IRAG1: variants seen among roughly 807,000 people sequenced by gnomAD.
IRAG1 encodes IP3R-associated cGMP kinase substrate.
A neutral mutation model predicts 106.2 loss-of-function variants in IRAG1; 62 were observed. The observed-to-expected ratio is 0.58, with a 90% confidence interval of 0.48 to 0.72. The LOEUF is 0.72. IRAG1 is among the 30% of genes least tolerant of loss of function. The pLI is 0.00. For missense variants in IRAG1, 1,064 were observed against 1,140.7 expected (o/e 0.93, Z 0.97); for synonymous variants, 462 against 443.9 (o/e 1.04, Z -0.51).
chr11:10,634,787 A>G lies in IRAG1; in HGVS notation c.226-716T>C, dbSNP rs988847285. Among the ~76,000 whole-genome samples the G allele has an allele frequency of 3.0e-4, 17 of 56,158 alleles. No individual in the cohort carries two copies. The South Asian group carries it at 4.3e-3, about 14-fold the overall frequency. The allele number at this position is 56,158 out of a possible 152,430, so 36.8% of individuals were successfully genotyped here. ...TGTGTGTGTGTGTGTGTGTGTGTGTATACAGACACAATATTTTATTGTGTA... is the reference window on the plus strand; with the variant it reads ...TGTGTGTGTGTGTGTGTGTGTGTGTGTACAGACACAATATTTTATTGTGTA... On this transcript the variant is annotated intron_variant, in intron 2 of 20. Coordinates refer to ENST00000423302, the MANE Select transcript of IRAG1 (RefSeq NM_130385.4).
At chr11:10,578,060 C>T (rs1184927185) in intron 20 of IRAG1, among the ~76,000 whole-genome samples, 1 of 152,174 alleles carries the variant, frequency 6.6e-6, no homozygotes, top group Non-Finnish European at 1.5e-5. Flanking sequence ...TGGCTTCTCC[C>T]TACTCTAACC....
At chr11:10,594,834 A>G (rs1853096252) in intron 15 of IRAG1, among the ~76,000 whole-genome samples, 1 of 152,184 alleles carries the variant, frequency 6.6e-6, no homozygotes, top group African/African-American at 2.4e-5. Flanking sequence ...AGTTTAACCA[A>G]TATCATTTAG....
intron 10 of IRAG1, among the ~76,000 whole-genome samples, chr11:10,619,265 G>A (rs752146592): frequency 4.6e-5 from 7 of 152,182 alleles, no homozygotes; most frequent in Non-Finnish European, 1.0e-4. Flanking sequence ...CAAACTGAAG[G>A]AGAGCCAAAA....
At chr11:10,671,044 T>A (rs1860178118) in intron 1 of IRAG1, among the ~76,000 whole-genome samples, 1 of 152,240 alleles carries the variant, frequency 6.6e-6, no homozygotes, top group Non-Finnish European at 1.5e-5. Context: ...GTTTCAAACA[T>A]TTAATCTTTG....
intron 1 of IRAG1, among the ~76,000 whole-genome samples, chr11:10,669,306 C>T (rs1342441013): frequency 1.3e-5 from 2 of 152,180 alleles, no homozygotes; most frequent in Non-Finnish European, 2.9e-5. Context: ...TTGGGCCAGT[C>T]ACCCGCCTCT....
At chr11:10,670,439 A>C (rs182073038) in intron 1 of IRAG1, among the ~76,000 whole-genome samples, 60 of 152,328 alleles carry the variant, frequency 3.9e-4, no homozygotes, top group Non-Finnish European at 7.5e-4. Flanking sequence ...AGCTTAGTGA[A>C]AATAGGCAGT....
chr11:10,685,868 A>T (rs1370623068), intron 1 of IRAG1, among the ~76,000 whole-genome samples: 1 of 152,196 alleles, frequency 6.6e-6, no homozygotes, highest in Non-Finnish European at 1.5e-5. Flanking sequence ...AACATCCCCA[A>T]GGTGATGCTC....
chr11:10,638,277 T>C (rs1033019097), intron 2 of IRAG1, among the ~76,000 whole-genome samples: 2 of 152,214 alleles, frequency 1.3e-5, no homozygotes, highest in African/African-American at 4.8e-5. Flanking sequence ...GATCAAACAA[T>C]CTTAGGCCCA....
intron 11 of IRAG1, among the ~76,000 whole-genome samples, chr11:10,609,411 G>A (rs1854753769): frequency 6.6e-6 from 1 of 152,088 alleles, no homozygotes; most frequent in South Asian, 2.1e-4. Context: ...ACTAGTCATG[G>A]GTAAATGGTG....
chr11:10,626,120 CG>C lies in IRAG1; in HGVS notation c.1213del (p.Arg405GlyfsTer47). The stretch of plus-strand genomic sequence containing the variant: ...CAGCTTGGCAAGCACTTTCTGCAGC[CG>C]GGGGCCAGGTTCTTCAGGGCCACTG... Reference protein sequence around the residue: ...WDSGPEEPGPRLQKVLAKLPL... With the variant: ...WDSGPEEPGPXLQKVLAKLPL... On this transcript the variant is annotated frameshift_variant, in exon 9 of 21. Coordinates refer to ENST00000423302, the MANE Select transcript of IRAG1 (RefSeq NM_130385.4). LOFTEE classifies it high-confidence loss of function. 2 of 1,544,512 alleles carry C rather than the reference CG, an allele frequency of 1.3e-6. No individual in the cohort carries two copies. The highest frequency in any genetic ancestry group is 1.7e-6 in the Non-Finnish European group (2 of 1,144,856).
At chr11:10,586,437 A>C (rs1297900884) in intron 18 of IRAG1, among the ~76,000 whole-genome samples, 1 of 132,386 alleles carries the variant, frequency 7.6e-6, no homozygotes. Context: ...TTTTTCCTTG[A>C]GACAGGGTCC....
chr11:10,687,662 CTCTTGAGAGGAAGTCCA>C, intron 1 of IRAG1: 1 of 1,279,288 alleles, frequency 7.8e-7, no homozygotes, highest in Non-Finnish European at 1.0e-6. Flanking sequence ...ATGCCCAATC[CTCTTGAGAGGAAGTCCA>C]CCACTCTCCT....
intron 20 of IRAG1, 135 bp downstream of exon 20, chr11:10,580,320 T>C: frequency 7.4e-7 from 1 of 1,356,586 alleles, no homozygotes; most frequent in Non-Finnish European, 1.0e-6. Context: ...CCTCTTGGTT[T>C]CTTGGGCTAC....
chr11:10,632,144 C>T, intron 3 of IRAG1, 83 bp from the exon 4 acceptor site: 2 of 846,684 alleles, frequency 2.4e-6, no homozygotes, highest in Non-Finnish European at 3.8e-6. Context: ...TATTCTTTTT[C>T]TTTTTCTTTC....
intron 2 of IRAG1, among the ~76,000 whole-genome samples, chr11:10,651,309 C>T (rs1858481203): frequency 6.6e-6 from 1 of 152,042 alleles, no homozygotes; most frequent in Non-Finnish European, 1.5e-5. Context: ...TGGATGAAGC[C>T]CTTAAGTATT....
chr11:10,603,066 C>G (rs1564902271), intron 14 of IRAG1, 54 bp downstream of exon 14: 2 of 1,565,490 alleles, frequency 1.3e-6, no homozygotes, highest in East Asian at 2.3e-5. Context: ...GGTGATTGCT[C>G]TACTTTACGT....
rs113270780 is a variant in IRAG1 at position 10,664,961 on chromosome 11, T to C, written c.68-12779A>G. Among the ~76,000 whole-genome samples, 459 of 152,350 alleles carry C rather than the reference T, an allele frequency of 3.0e-3. 4 individuals carry two copies. The highest frequency in any genetic ancestry group is 0.01 in the African/African-American group (424 of 41,592). On this transcript the variant is annotated intron_variant, in intron 1 of 20. Transcript: ENST00000423302. ...CCTGATATCCCCAGCCTTTTCTGTT[T>C]TGAGAACCAATGAATACCCCTTTTT...
chr11:10,625,895 C>A, intron 9 of IRAG1, 71 bp downstream of exon 9: 1 of 1,307,588 alleles, frequency 7.6e-7, no homozygotes, highest in Non-Finnish European at 9.8e-7. Context: ...GGCCCAGACT[C>A]AGCCCTGAGG....
At chr11:10,603,080 TGGAACAGAG>T in intron 14 of IRAG1, 31 bp downstream of exon 14, 2 of 1,589,746 alleles carry the variant, frequency 1.3e-6, no homozygotes, top group East Asian at 2.3e-5. Context: ...TTTACGTAGG[TGGAACAGAG>T]TTGGCAAGAC....
Sources: allele counts gnomAD v4.1 joint callset (sites outside exome capture counted in the v4.1 genomes callset), GRCh38; gene constraint gnomAD v4.1.1; transcripts MANE v1.5; gene names NCBI Gene and HGNC (gene_info 2026-07-23, HGNC 2026-07-21).